Variants in CLEC6A observed in about 807,000 individuals in gnomAD.
CLEC6A encodes C-type lectin domain family 6 member A.
In CLEC6A, 22 loss-of-function variants were observed where a neutral mutation model predicts 25.7. The ratio of observed to expected loss-of-function variants is 0.85; its 90% CI spans 0.61 to 1.22. The LOEUF is 1.22. CLEC6A is among the 50% of genes most tolerant of loss of function. CLEC6A has a pLI of 0.00. For synonymous variants in CLEC6A, 92 were observed against 76.7 expected (o/e 1.20, Z -1.04); for missense variants, 240 against 236.8 (o/e 1.01, Z -0.09).
At chr12:8,466,218 T>G (rs1357932123) in intron 4 of CLEC6A, among the ~76,000 whole-genome samples, 1 of 152,220 alleles carries the variant, frequency 6.6e-6, no homozygotes, top group Non-Finnish European at 1.5e-5. Flanking sequence ...ACCTCATATA[T>G]TTAGCCTTCT....
Position 8,477,543 on chromosome 12 carries a change from T to A in CLEC6A, c.*79T>A, listed in dbSNP as rs1187438220. The A allele has an allele frequency of 9.0e-7, 1 of 1,108,408 alleles. No individual in the cohort carries two copies. The highest frequency in any genetic ancestry group is 1.6e-5 in the African/African-American group (1 of 62,778). 68.7% of individuals were successfully genotyped at this position (1,108,408 alleles called of 1,614,324 possible). On this transcript the variant is annotated 3_prime_UTR_variant, in exon 6 of 6. Coordinates refer to ENST00000382073, the MANE Select transcript of CLEC6A (RefSeq NM_001007033.2). ...ACGTCTTTAAAATTGAACCCTATCA[T>A]GAAATGATAATTTCTTCCTGAATTT... is the stretch of plus-strand genomic sequence containing the variant.
chr12:8,461,015 T>G, intron 3 of CLEC6A: 7 of 1,496,132 alleles, frequency 4.7e-6, no homozygotes, highest in Non-Finnish European at 6.4e-6. Flanking sequence ...TTGGGGGTTA[T>G]CCTCATTGAT....
intron 3 of CLEC6A, 23 bp from the exon 4 acceptor site, chr12:8,465,461 T>G (rs1309270576): frequency 4.3e-6 from 7 of 1,613,322 alleles, no homozygotes; most frequent in African/African-American, 1.3e-5. Flanking sequence ...CTCACTCTTT[T>G]TTTTCATGTA....
chr12:8,457,207 C>T lies in CLEC6A; in HGVS notation c.32-691C>T, dbSNP rs371656585. 1.9e-4 allele frequency among the ~76,000 whole-genome samples: 29 copies of T among 152,218 alleles called. 1 individual carries two copies. The South Asian group carries it at 3.7e-3, about 20-fold the overall frequency. On this transcript the variant is annotated intron_variant, in intron 1 of 5. Transcript: ENST00000382073. Reference sequence around the variant, plus strand: ...TTGTATTTTTGTAGGTACGAAACAACCCTTCTCTATCTTCTCTTCCCAGTT... The same window carrying T: ...TTGTATTTTTGTAGGTACGAAACAATCCTTCTCTATCTTCTCTTCCCAGTT...
intron 4 of CLEC6A, among the ~76,000 whole-genome samples, chr12:8,474,578 A>G (rs1939945944): frequency 1.3e-5 from 2 of 152,132 alleles, no homozygotes; most frequent in African/African-American, 4.8e-5. Context: ...TTTCTTATTT[A>G]GTATGTAACA....
chr12:8,465,708 T>C, intron 4 of CLEC6A, 79 bp downstream of exon 4: 2 of 1,280,632 alleles, frequency 1.6e-6, no homozygotes, highest in Non-Finnish European at 2.2e-6. Flanking sequence ...CATTTTTCAG[T>C]GTACTGTTCA....
rs990684453 is a variant in CLEC6A, at chr12:8,477,552, A to C, written c.*88A>C. The C allele has an allele frequency of 2.0e-6, 2 of 1,019,820 alleles. No homozygotes were observed. The highest frequency in any genetic ancestry group is 2.7e-5 in the Admixed American group (1 of 37,044). 63.2% of individuals were successfully genotyped at this position (1,019,820 alleles called of 1,614,324 possible). Reference sequence around the variant, plus strand: ...AAATTGAACCCTATCATGAAATGATAATTTCTTCCTGAATTTACACATAAT... The same window carrying C: ...AAATTGAACCCTATCATGAAATGATCATTTCTTCCTGAATTTACACATAAT... On this transcript the variant is annotated 3_prime_UTR_variant, in exon 6 of 6. Transcript: ENST00000382073.
chr12:8,459,774 T>A (rs1265338545), intron 3 of CLEC6A, 76 bp downstream of exon 3: 1 of 911,890 alleles, frequency 1.1e-6, no homozygotes. Context: ...GATTGGTGTA[T>A]TCTATTGTGC....
intron 4 of CLEC6A, among the ~76,000 whole-genome samples, chr12:8,471,111 T>G (rs749771384): frequency 3.3e-5 from 5 of 152,104 alleles, no homozygotes; most frequent in Non-Finnish European, 5.9e-5. Context: ...TTTCATGTGT[T>G]GAACAATTTT....
Position 8,477,343 on chromosome 12 carries a change from A to G in CLEC6A, c.509A>G (p.Asn170Ser), listed in dbSNP as rs1481926276. The G allele has an allele frequency of 9.3e-6, 15 of 1,610,978 alleles. No homozygotes were observed. The highest frequency in any genetic ancestry group is 1.1e-5 in the Non-Finnish European group (13 of 1,178,386). Reference protein sequence around the residue: ...NVRFWHLGEPNHSAEQCASIV... With the variant: ...NVRFWHLGEPSHSAEQCASIV... Reference sequence around the variant, plus strand: ...AGATTTTGGCACCTAGGTGAGCCCAATCATTCTGCAGAGCAATGTGCTTCA... The same window carrying G: ...AGATTTTGGCACCTAGGTGAGCCCAGTCATTCTGCAGAGCAATGTGCTTCA... Residue 170 changes from asparagine (N) to serine (S), a missense_variant, in exon 6 of 6, where the codon AAT becomes AGT. Transcript: ENST00000382073.
chr12:8,457,077 T>C (rs1440198532), intron 1 of CLEC6A, among the ~76,000 whole-genome samples: 1 of 151,214 alleles, frequency 6.6e-6, no homozygotes, highest in Non-Finnish European at 1.5e-5. Context: ...CTCATTGTGC[T>C]TCAGCCTGGG....
chr12:8,466,250 G>T (rs1260996894), intron 4 of CLEC6A, among the ~76,000 whole-genome samples: 1 of 152,074 alleles, frequency 6.6e-6, no homozygotes, highest in Non-Finnish European at 1.5e-5. Context: ...TTTGTGGTGA[G>T]AACACATAAG....
chr12:8,473,770 C>T (rs768381080), intron 4 of CLEC6A, among the ~76,000 whole-genome samples: 1 of 152,154 alleles, frequency 6.6e-6, no homozygotes, highest in Non-Finnish European at 1.5e-5. Flanking sequence ...AATAGCCATA[C>T]TGACTGCTGT....
chr12:8,473,462 T>C (rs778793515), intron 4 of CLEC6A, among the ~76,000 whole-genome samples: 2 of 152,290 alleles, frequency 1.3e-5, no homozygotes, highest in South Asian at 4.1e-4. Flanking sequence ...TATATTTTCT[T>C]TATCCAATTC....
At chr12:8,458,104 C>G (rs753449262) in intron 2 of CLEC6A, 117 bp downstream of exon 2, 1 of 632,052 alleles carries the variant, frequency 1.6e-6, no homozygotes, top group Non-Finnish European at 2.7e-6. Flanking sequence ...ACTTGGAATG[C>G]CACACTTTCC....
chr12:8,465,160 C>T (rs765667674), intron 3 of CLEC6A, among the ~76,000 whole-genome samples: 11 of 151,614 alleles, frequency 7.3e-5, no homozygotes, highest in South Asian at 6.2e-4. Flanking sequence ...TTTCTAGGTT[C>T]GTCTGTGTTA....
intron 4 of CLEC6A, among the ~76,000 whole-genome samples, chr12:8,472,660 A>G (rs1939921920): frequency 6.6e-6 from 1 of 152,150 alleles, no homozygotes; most frequent in South Asian, 2.1e-4. Flanking sequence ...TGGTTCATAT[A>G]TTAAGTCAGT....
chr12:8,471,037 C>A (rs1939899856), intron 4 of CLEC6A, among the ~76,000 whole-genome samples: 1 of 152,038 alleles, frequency 6.6e-6, no homozygotes, highest in East Asian at 1.9e-4. Context: ...GGGTTTTATG[C>A]ACCAATTGAG....
At chr12:8,468,743 T>C (rs771231166) in intron 4 of CLEC6A, among the ~76,000 whole-genome samples, 2 of 152,312 alleles carry the variant, frequency 1.3e-5, no homozygotes, top group Admixed American at 1.3e-4. Flanking sequence ...AGCATATCTT[T>C]ATTATTAAAA....
Sources: allele counts gnomAD v4.1 joint callset (sites outside exome capture counted in the v4.1 genomes callset), GRCh38; gene constraint gnomAD v4.1.1; transcripts MANE v1.5; gene names NCBI Gene and HGNC (gene_info 2026-07-23, HGNC 2026-07-21).